ST8SIA6: variants seen among roughly 807,000 people sequenced by gnomAD.
ST8SIA6 encodes ST8 alpha-N-acetyl-neuraminide alpha-2,8-sialyltransferase 6.
ST8SIA6 carries 39 observed loss-of-function variants against 33.6 expected under a neutral mutation model. That is an observed-to-expected ratio of 1.16 (90% confidence interval 0.90 to 1.52). The LOEUF (loss-of-function observed/expected upper bound fraction) is 1.52, where lower values mean the gene tolerates loss of function less well. Ranked by LOEUF, ST8SIA6 falls within the 40% of genes most tolerant of loss-of-function variation. ST8SIA6 has a pLI of 0.00. For missense variants in ST8SIA6, 441 were observed against 443.8 expected, an observed-to-expected ratio of 0.99 and a Z score of 0.06; for synonymous variants, 172 against 167.2, an observed-to-expected ratio of 1.03 and a Z score of -0.22.
intron 2 of ST8SIA6, among the ~76,000 whole-genome samples, chr10:17,411,736 C>G (rs1165770535): frequency 6.6e-6 from 1 of 152,162 alleles, no homozygotes; most frequent in Non-Finnish European, 1.5e-5. Flanking sequence ...AGGTTTCTCT[C>G]TAAAGTACCT....
At chr10:17,339,527 A>G (rs1468959028) in intron 4 of ST8SIA6, among the ~76,000 whole-genome samples, 1 of 152,238 alleles carries the variant, frequency 6.6e-6, no homozygotes, top group Non-Finnish European at 1.5e-5. Flanking sequence ...CATCCAAATC[A>G]TTTCTAAAAT....
At chr10:17,378,923 A>C (rs193082908) in intron 3 of ST8SIA6, among the ~76,000 whole-genome samples, 6 of 152,064 alleles carry the variant, frequency 3.9e-5, no homozygotes, top group Admixed American at 2.0e-4. Context: ...TCAGGAGATC[A>C]AGACCATCCT....
chr10:17,399,778 TGTG>T lies in ST8SIA6; in HGVS notation c.201-9161_201-9159del, dbSNP rs1420600626. Among the ~76,000 whole-genome samples the T allele has an allele frequency of 2.6e-5, 4 of 151,796 alleles. No homozygotes were observed. The East Asian group carries it at 5.8e-4, about 22-fold the overall frequency. On this transcript the variant is annotated intron_variant, in intron 2 of 7. Transcript: ENST00000377602. The stretch of plus-strand genomic sequence containing the variant: ...ATATACAATTTAAAAATTAGCCAGA[TGTG>T]GTGGTGTGTGCCTGTGGTCCCAGCT...
intron 3 of ST8SIA6, among the ~76,000 whole-genome samples, chr10:17,366,316 A>G (rs1849557924): frequency 6.6e-6 from 1 of 152,234 alleles, no homozygotes; most frequent in African/African-American, 2.4e-5. Context: ...TCCCTAAGAC[A>G]AGTTAAATAA....
chr10:17,446,324 A>C (rs191238476), intron 2 of ST8SIA6, among the ~76,000 whole-genome samples: 1 of 152,358 alleles, frequency 6.6e-6, no homozygotes, highest in Admixed American at 6.5e-5. Flanking sequence ...TTTGAAAAAC[A>C]GTTAACTACA....
At chr10:17,322,781 A>G (rs1847999482) in intron 7 of ST8SIA6, among the ~76,000 whole-genome samples, 1 of 152,230 alleles carries the variant, frequency 6.6e-6, no homozygotes, top group Admixed American at 6.5e-5. Flanking sequence ...TCTAAAAGAA[A>G]ATGGAAAAAA....
intron 5 of ST8SIA6, among the ~76,000 whole-genome samples, chr10:17,330,812 G>A (rs1357303982): frequency 6.6e-6 from 1 of 152,122 alleles, no homozygotes; most frequent in Non-Finnish European, 1.5e-5. Context: ...ATTAAGGGTC[G>A]AGTTTCTCCT....
At chr10:17,434,930 C>T (rs1288073711) in intron 2 of ST8SIA6, among the ~76,000 whole-genome samples, 2 of 152,154 alleles carry the variant, frequency 1.3e-5, no homozygotes, top group African/African-American at 4.8e-5. Context: ...ACAGACTCTC[C>T]GACCCACCCA....
chr10:17,357,946 G>C (rs1849252547), intron 4 of ST8SIA6, among the ~76,000 whole-genome samples: 1 of 152,132 alleles, frequency 6.6e-6, no homozygotes, highest in South Asian at 2.1e-4. Context: ...TGTTGACCCT[G>C]TGATCATTTA....
At chr10:17,437,019 T>G (rs1219875336) in intron 2 of ST8SIA6, among the ~76,000 whole-genome samples, 1 of 152,226 alleles carries the variant, frequency 6.6e-6, no homozygotes, top group Non-Finnish European at 1.5e-5. Flanking sequence ...AACTAACTAA[T>G]ACAAACTCCC....
intron 2 of ST8SIA6, among the ~76,000 whole-genome samples, chr10:17,396,901 T>C (rs770528380): frequency 1.3e-5 from 2 of 152,174 alleles, no homozygotes; most frequent in Non-Finnish European, 2.9e-5. Flanking sequence ...CCCCTGAGGG[T>C]ATTTGAACCA....
intron 4 of ST8SIA6, among the ~76,000 whole-genome samples, chr10:17,341,672 A>T (rs1848676393): frequency 6.6e-6 from 1 of 151,954 alleles, no homozygotes; most frequent in Admixed American, 6.6e-5. Context: ...AGGCTGAGGC[A>T]GGAGGATCAC....
intron 3 of ST8SIA6, among the ~76,000 whole-genome samples, chr10:17,367,877 T>C (rs1333974608): frequency 1.3e-5 from 2 of 152,164 alleles, no homozygotes; most frequent in East Asian, 3.8e-4. Context: ...AAACCATATA[T>C]GAGTGGCTAT....
chr10:17,430,140 G>T (rs552101500), intron 2 of ST8SIA6, among the ~76,000 whole-genome samples: 1 of 152,250 alleles, frequency 6.6e-6, no homozygotes, highest in Non-Finnish European at 1.5e-5. Context: ...TTATAAGTGA[G>T]GATATACAGT....
At chr10:17,354,183 G>T (rs1431501587) in intron 4 of ST8SIA6, among the ~76,000 whole-genome samples, 1 of 152,186 alleles carries the variant, frequency 6.6e-6, no homozygotes, top group East Asian at 1.9e-4. Context: ...CATGGGTGAA[G>T]CAGAAGAACT....
At chr10:17,431,734 T>TG (rs1390161658) in intron 2 of ST8SIA6, among the ~76,000 whole-genome samples, 1 of 131,764 alleles carries the variant, frequency 7.6e-6, no homozygotes, top group African/African-American at 3.7e-5. Context: ...GGTCTTCGTT[T>TG]GGAAAAAAAA....
At chr10:17,372,201 C>A (rs1464605095) in intron 3 of ST8SIA6, among the ~76,000 whole-genome samples, 1 of 152,176 alleles carries the variant, frequency 6.6e-6, no homozygotes, top group Non-Finnish European at 1.5e-5. Context: ...ACCCGAGCTT[C>A]AAGTAGGGTA....
chr10:17,374,636 A>C (rs7087760), intron 3 of ST8SIA6, among the ~76,000 whole-genome samples: 55,674 of 150,360 alleles, frequency 0.37, 10,534 homozygotes, highest in East Asian at 0.59. Context: ...ATCACTTGAA[A>C]CTAGGAGGCA....
At position 17,320,017 on chromosome 10, in the gene ST8SIA6, G is replaced by C. The variant is rs1370126870; in HGVS notation, c.*861C>G. The C allele has an allele frequency of 2.0e-5, 3 of 152,134 alleles. No homozygotes were observed. Among genetic ancestry groups the C allele is most frequent in the Non-Finnish European group, 2.9e-5 (2 of 68,040 alleles). The allele number at this position is 152,134 out of a possible 1,614,324, so 9.4% of individuals were successfully genotyped here. A position where few individuals can be genotyped will look rare whatever the true frequency, so the allele number is the denominator to read the frequency against. ...TATGCACATCTGTTTTCTCCTACAA[G>C]AGGCAATAATCCTTCTTGTCCTCTC... On this transcript the variant is annotated 3_prime_UTR_variant, in exon 8 of 8. Coordinates refer to ENST00000377602, the MANE Select transcript of ST8SIA6 (RefSeq NM_001004470.3).
Sources: gnomAD v4.1 joint callset for allele counts (sites outside exome capture counted in the v4.1 genomes callset) on GRCh38, gnomAD v4.1.1 for gene constraint, MANE v1.5 for transcripts, NCBI Gene and HGNC (gene_info 2026-07-23, HGNC 2026-07-21) for gene names.